Variants in FLYWCH1 observed in about 807,000 individuals in gnomAD.
FLYWCH1 encodes FLYWCH-type zinc finger-containing protein 1.
In FLYWCH1, 75 loss-of-function variants were observed where a neutral mutation model predicts 66.4. That is an observed-to-expected ratio of 1.13 (90% CI 0.94 to 1.37). The LOEUF (loss-of-function observed/expected upper bound fraction) is 1.37, where lower values mean the gene tolerates loss of function less well. Among genes scored for constraint, FLYWCH1 ranks in the 40% most tolerant of loss-of-function variants. FLYWCH1 has a pLI of 0.00. For synonymous variants in FLYWCH1, 595 were observed against 429.9 expected (o/e 1.38, Z -4.75); for missense variants, 1,334 against 1,001.8 (o/e 1.33, Z -4.48).
At chr16:2,916,506 A>G (rs1304289911) in intron 2 of FLYWCH1, among the ~76,000 whole-genome samples, 1 of 151,862 alleles carries the variant, frequency 6.6e-6, no homozygotes, top group Admixed American at 6.6e-5. Context: ...GCCTGGTGGC[A>G]GGTGCCTGTA....
chr16:2,924,664 C>T (rs2070493303), intron 2 of FLYWCH1, among the ~76,000 whole-genome samples: 1 of 152,166 alleles, frequency 6.6e-6, no homozygotes, highest in Non-Finnish European at 1.5e-5. Flanking sequence ...GTCACGCAAC[C>T]CCCCCAGGCT....
At chr16:2,935,779 T>TG (rs1032320747) in intron 6 of FLYWCH1, 3 of 152,332 alleles carry the variant, frequency 2.0e-5, no homozygotes, top group African/African-American at 4.8e-5. Flanking sequence ...CTGGCTGTGC[T>TG]GGGGGCCTTT....
At chr16:2,917,906 C>A (rs1175874594) in intron 2 of FLYWCH1, among the ~76,000 whole-genome samples, 2 of 147,950 alleles carry the variant, frequency 1.4e-5, no homozygotes, top group Non-Finnish European at 3.0e-5. Context: ...ACGATCTTGG[C>A]TCACTGTGCA....
intron 1 of FLYWCH1, chr16:2,912,908 TTG>T (rs2070040355): frequency 6.6e-6 from 1 of 152,222 alleles, no homozygotes; most frequent in South Asian, 2.1e-4. Context: ...TTATTTTTAT[TTG>T]CATATTTCTG....
At position 2,933,324 on chromosome 16, in the gene FLYWCH1, C is replaced by T; in HGVS notation, c.991C>T (p.His331Tyr). The change falls in exon 5 of 10, where the codon CAC (histidine) becomes TAC (tyrosine). Residue 331 changes from histidine to tyrosine, a missense_variant. His to Tyr is a moderately conservative substitution (Grantham distance 83). Transcript: ENST00000253928. Reference sequence around the variant, plus strand: ...GGTGACTGTGATGCGTGGGCACTGCCACCAGCCCGATATGGAGGGCCTGGA... The same window carrying T: ...GGTGACTGTGATGCGTGGGCACTGCTACCAGCCCGATATGGAGGGCCTGGA... ...QRVTVMRGHC[H>Y]QPDMEGLEAR... 2 of 1,609,906 alleles carry T rather than the reference C, an allele frequency of 1.2e-6. No individual in the cohort carries two copies. Among genetic ancestry groups the T allele is most frequent in the Non-Finnish European group, 1.7e-6 (2 of 1,178,606 alleles).
rs776011052 is a variant in FLYWCH1 at position 2,933,231 on chromosome 16, G to A, written c.898G>A (p.Val300Met). Residue 300 changes from valine to methionine, a missense_variant, in exon 5 of 10, where the codon GTG becomes ATG. By Grantham distance (21) the Val-to-Met change is conservative. Transcript: ENST00000253928. ...YKREKAVGDK[V>M]YWTCRDHALH... Reference sequence around the variant, plus strand: ...GCGGGAGAAGGCTGTCGGGGACAAGGTGTATTGGACCTGCCGGGACCACGC... The same window carrying A: ...GCGGGAGAAGGCTGTCGGGGACAAGATGTATTGGACCTGCCGGGACCACGC... 51 of 1,613,486 alleles carry A rather than the reference G, an allele frequency of 3.2e-5. No individual in the cohort carries two copies. The highest frequency in any genetic ancestry group is 1.9e-4 in the South Asian group (17 of 91,064).
chr16:2,925,567 G>A (rs1314057175), intron 2 of FLYWCH1, among the ~76,000 whole-genome samples: 4 of 131,804 alleles, frequency 3.0e-5, no homozygotes, highest in Non-Finnish European at 6.7e-5. Flanking sequence ...CGGGGTAGGG[G>A]GAGTTGCGGG....
At position 2,933,563 on chromosome 16, in the gene FLYWCH1, G is replaced by T. The variant is rs909662104; in HGVS notation, c.1230G>T (p.Gln410His). 3 of 1,598,186 alleles carry T rather than the reference G, an allele frequency of 1.9e-6. No homozygotes were observed. Among genetic ancestry groups the T allele is most frequent in the Non-Finnish European group, 2.6e-6 (3 of 1,171,596 alleles). The change falls in exon 5 of 10, where the codon CAG (glutamine) becomes CAT (histidine). Residue 410 changes from glutamine (Q) to histidine (H), a missense_variant. Transcript: ENST00000253928. Reference protein sequence around the residue: ...PTQPEAPDEHQDMDADPGGPE... With the variant: ...PTQPEAPDEHHDMDADPGGPE... ...AGCCCGAGGCCCCAGACGAGCACCA[G>T]GACATGGACGCAGACCCGGGTGAGC...
chr16:2,937,308 C>A lies in FLYWCH1; in HGVS notation c.1701C>A (p.His567Gln), dbSNP rs768835138. 1.2e-6 allele frequency: 2 copies of A among 1,603,206 alleles called. No individual in the cohort carries two copies. The highest frequency in any genetic ancestry group is 4.5e-5 in the East Asian group (2 of 44,480). ...TCATGGTCATGCGCAGGCACTGCCA[C>A]CCACCGGACCTGGGCGGCCTGGAGG... is the stretch of plus-strand genomic sequence containing the variant. ...RRVMVMRRHCHPPDLGGLEAL... is the reference protein window; with the variant it reads ...RRVMVMRRHCQPPDLGGLEAL... Residue 567 changes from histidine (H) to glutamine (Q), a missense_variant, in exon 7 of 10, where the codon CAC becomes CAA. Physicochemically the swap from His to Gln is conservative, Grantham distance 24. Coordinates refer to ENST00000253928, the MANE Select transcript of FLYWCH1 (RefSeq NM_001308068.2).
intron 9 of FLYWCH1, among the ~76,000 whole-genome samples, chr16:2,946,667 C>T (rs1567357560): frequency 6.6e-6 from 1 of 151,952 alleles, no homozygotes; most frequent in Non-Finnish European, 1.5e-5. Flanking sequence ...TAACAAATGG[C>T]CAAAGGACCT....
At chr16:2,932,699 G>A (rs1310285673) in intron 4 of FLYWCH1, among the ~76,000 whole-genome samples, 1 of 152,134 alleles carries the variant, frequency 6.6e-6, no homozygotes, top group East Asian at 1.9e-4. Context: ...TCAAAAATGG[G>A]TAGATTTGTT....
intron 2 of FLYWCH1, among the ~76,000 whole-genome samples, chr16:2,919,341 C>G (rs1003009004): frequency 6.6e-6 from 1 of 151,780 alleles, no homozygotes; most frequent in Non-Finnish European, 1.5e-5. Context: ...TCTCGGCTCA[C>G]TGCAACCTCT....
intron 9 of FLYWCH1, chr16:2,943,227 C>G (rs1300571205): frequency 6.6e-6 from 1 of 152,116 alleles, no homozygotes; most frequent in African/African-American, 2.4e-5. Flanking sequence ...GCAGGCTTCC[C>G]TGGTAGAGAA....
chr16:2,934,765 C>T (rs763858973), intron 6 of FLYWCH1: 90 of 421,574 alleles, frequency 2.1e-4, no homozygotes, highest in South Asian at 1.1e-3. Context: ...CTGCGAGGTC[C>T]CCGCCTCGTC....
Position 2,930,488 on chromosome 16 carries a change from A to T in FLYWCH1, c.404A>T (p.Gln135Leu). ...LLVLESFLYK[Q>L]EKAVGDKVYW... ...GTGCTGGAGTCCTTCCTGTACAAGCAGGAGAAGGCAGTGGGGGACAAGGTG... is the reference window on the plus strand; with the variant it reads ...GTGCTGGAGTCCTTCCTGTACAAGCTGGAGAAGGCAGTGGGGGACAAGGTG... Residue 135 changes from glutamine to leucine, a missense_variant, in exon 4 of 10, where the codon CAG becomes CTG. Coordinates refer to ENST00000253928, the MANE Select transcript of FLYWCH1 (RefSeq NM_001308068.2). The T allele has an allele frequency of 6.5e-7, 1 of 1,526,788 alleles. No individual in the cohort carries two copies. Among genetic ancestry groups the T allele is most frequent in the Non-Finnish European group, 8.8e-7 (1 of 1,141,170 alleles). 94.6% of individuals were successfully genotyped at this position (1,526,788 alleles called of 1,614,324 possible).
In FLYWCH1 at chr16:2,930,408, A is replaced by G. The variant is rs1165429318; in HGVS notation, c.326-2A>G. 5 of 1,448,048 alleles carry G rather than the reference A, an allele frequency of 3.5e-6. No homozygotes were observed. Among genetic ancestry groups the G allele is most frequent in the Non-Finnish European group, 4.6e-6 (5 of 1,097,962 alleles). 89.7% of individuals were successfully genotyped at this position (1,448,048 alleles called of 1,614,324 possible). ...GCTAACCTAGCCTTCCCGTTCCCCC[A>G]GCAGCCCCTCAGTCCCTGGAGTTCC... On this transcript the variant is annotated splice_acceptor_variant, in intron 3 of 9. Transcript: ENST00000253928. LOFTEE classifies it high-confidence loss of function.
At chr16:2,934,382 T>C (rs983601347) in intron 6 of FLYWCH1, among the ~76,000 whole-genome samples, 2 of 152,216 alleles carry the variant, frequency 1.3e-5, no homozygotes, top group African/African-American at 4.8e-5. Context: ...TTTACTTACA[T>C]GCAGCCGGTT....
intron 2 of FLYWCH1, chr16:2,915,430 T>C (rs1305581423): frequency 6.6e-6 from 1 of 152,230 alleles, no homozygotes; most frequent in Non-Finnish European, 1.5e-5. Context: ...TTCACCATGT[T>C]GGCCAGGCCG....
rs548802446 is a variant in FLYWCH1 at position 2,927,791 on chromosome 16, G to A, written c.-73-1822G>A. Among the ~76,000 whole-genome samples, 43 of 152,370 alleles carry A rather than the reference G, an allele frequency of 2.8e-4. No homozygotes were observed. The South Asian group carries it at 8.9e-3, about 32-fold the overall frequency. On this transcript the variant is annotated intron_variant, in intron 2 of 9. Transcript: ENST00000253928. Reference sequence around the variant, plus strand: ...TGGATATTTCTCGTCAGGTGGAGATGAGACTGATAAAAGAAATAAGACACA... The same window carrying A: ...TGGATATTTCTCGTCAGGTGGAGATAAGACTGATAAAAGAAATAAGACACA...
Sources: gnomAD v4.1 joint callset for allele counts (sites outside exome capture counted in the v4.1 genomes callset) on GRCh38, gnomAD v4.1.1 for gene constraint, MANE v1.5 for transcripts, NCBI Gene and HGNC (gene_info 2026-07-23, HGNC 2026-07-21) for gene names.